Variants in SLC25A40 observed in about 807,000 individuals in gnomAD.
The protein encoded by SLC25A40 is mitochondrial glutathione transporter SLC25A40.
A neutral mutation model predicts 46.5 loss-of-function variants in SLC25A40; 41 were observed. The observed-to-expected ratio is 0.88, with a 90% CI of 0.69 to 1.14. The LOEUF (loss-of-function observed/expected upper bound fraction) is 1.14, where lower values mean the gene tolerates loss of function less well. Among genes scored for constraint, SLC25A40 ranks in the 50% most tolerant of loss-of-function variants. The pLI is 0.00. For synonymous variants in SLC25A40, 126 were observed against 127.5 expected, an observed-to-expected ratio of 0.99 and a Z score of 0.08; for missense variants, 386 against 393.6, an observed-to-expected ratio of 0.98 and a Z score of 0.16.
chr7:87,863,058 G>A (rs994113826), intron 1 of SLC25A40, among the ~76,000 whole-genome samples: 1 of 152,076 alleles, frequency 6.6e-6, no homozygotes, highest in African/African-American at 2.4e-5. Flanking sequence ...TAACATCTCT[G>A]CATATTTTTA....
chr7:87,846,838 A>G (rs1287107068), intron 8 of SLC25A40, 111 bp downstream of exon 8: 1 of 846,478 alleles, frequency 1.2e-6, no homozygotes, highest in Non-Finnish European at 1.7e-6. Flanking sequence ...TGTGGTCACT[A>G]TAGAAAATAA....
At chr7:87,857,194 A>G (rs959179196) in intron 3 of SLC25A40, among the ~76,000 whole-genome samples, 2 of 152,214 alleles carry the variant, frequency 1.3e-5, no homozygotes, top group South Asian at 4.1e-4. Context: ...CAAAGTAAAG[A>G]TTATTTGTAA....
At chr7:87,843,730 T>G (rs747194828) in intron 9 of SLC25A40, 24 bp downstream of exon 9, 3 of 1,518,046 alleles carry the variant, frequency 2.0e-6, no homozygotes, top group Non-Finnish European at 2.7e-6. Context: ...TTCTGGAATA[T>G]TAACAACAAA....
chr7:87,853,657 T>C (rs939526780), intron 5 of SLC25A40, among the ~76,000 whole-genome samples: 6 of 152,312 alleles, frequency 3.9e-5, no homozygotes, highest in East Asian at 1.9e-4. Context: ...CAGGTAATTA[T>C]GCTATGTAAA....
intron 10 of SLC25A40, among the ~76,000 whole-genome samples, chr7:87,841,159 G>GTGTGTA (rs1353494290): frequency 5.8e-5 from 8 of 137,722 alleles, no homozygotes; most frequent in African/African-American, 1.7e-4. Flanking sequence ...GTGTGTGTGT[G>GTGTGTA]TATATATATA....
At chr7:87,863,703 C>A (rs760188849) in intron 1 of SLC25A40, among the ~76,000 whole-genome samples, 54 of 151,180 alleles carry the variant, frequency 3.6e-4, no homozygotes, top group Non-Finnish European at 6.9e-4. Flanking sequence ...AACCATTTAT[C>A]TTTTATTTAT....
At chr7:87,870,124 T>G (rs1488145648) in intron 1 of SLC25A40, among the ~76,000 whole-genome samples, 1 of 151,904 alleles carries the variant, frequency 6.6e-6, no homozygotes, top group Admixed American at 6.6e-5. Context: ...TTTAGATCCT[T>G]TGGTCATTTT....
rs955352934 is a variant in SLC25A40 at position 87,849,957 on chromosome 7, A to G, written c.265-9T>C. ...ATTTTAAAAAATGCATCCTAAAGTTATAATAGAAAAAAAGTAATCAAAATA... is the reference window on the plus strand; with the variant it reads ...ATTTTAAAAAATGCATCCTAAAGTTGTAATAGAAAAAAAGTAATCAAAATA... On this transcript the variant is annotated splice_polypyrimidine_tract_variant and intron_variant, in intron 5 of 11. Transcript: ENST00000341119. The G allele has an allele frequency of 1.4e-5, 22 of 1,557,498 alleles. No homozygotes were observed. Among genetic ancestry groups the G allele is most frequent in the Middle Eastern group, 1.7e-4 (1 of 5,800 alleles).
At chr7:87,849,600 G>A (rs1838476662) in intron 6 of SLC25A40, among the ~76,000 whole-genome samples, 1 of 152,228 alleles carries the variant, frequency 6.6e-6, no homozygotes, top group African/African-American at 2.4e-5. Flanking sequence ...GACTTTGGAA[G>A]CCTATTTCTG....
intron 1 of SLC25A40, among the ~76,000 whole-genome samples, chr7:87,873,749 C>T (rs1053078710): frequency 3.3e-5 from 5 of 152,162 alleles, no homozygotes; most frequent in African/African-American, 1.2e-4. Context: ...AACATTTGCC[C>T]ATGGTCACAA....
At chr7:87,859,704 T>A (rs1160698319) in intron 2 of SLC25A40, among the ~76,000 whole-genome samples, 1 of 152,126 alleles carries the variant, frequency 6.6e-6, no homozygotes, top group Non-Finnish European at 1.5e-5. Context: ...AAAAACAGAT[T>A]TACATTTTTA....
chr7:87,839,679 C>A (rs567451502), intron 10 of SLC25A40, among the ~76,000 whole-genome samples: 125 of 151,820 alleles, frequency 8.2e-4, no homozygotes, highest in African/African-American at 3.0e-3. Flanking sequence ...GCCTCTCTTC[C>A]AGTAGATTAT....
intron 1 of SLC25A40, among the ~76,000 whole-genome samples, chr7:87,866,184 C>T (rs1838795596): frequency 1.3e-5 from 2 of 151,892 alleles, no homozygotes; most frequent in South Asian, 4.2e-4. Context: ...TTTTTTCCTC[C>T]AGGTTGAAGA....
At position 87,849,567 on chromosome 7, in the gene SLC25A40, T is replaced by A. The variant is rs140456942; in HGVS notation, c.332+314A>T. ...GCTCACTGATAGAAGGATAAGCACA[T>A]CCTGTGCAATGCCATAAGGGAGGAC... On this transcript the variant is annotated intron_variant, in intron 6 of 11. Coordinates refer to ENST00000341119, the MANE Select transcript of SLC25A40 (RefSeq NM_018843.4). Among the ~76,000 whole-genome samples, 1,087 of 152,330 alleles carry A rather than the reference T, an allele frequency of 7.1e-3. 33 individuals are homozygous for A. The highest frequency in any genetic ancestry group is 0.061 in the Admixed American group (928 of 15,304).
Position 87,847,021 on chromosome 7 carries a change from C to T in SLC25A40, c.559G>A (p.Val187Ile), listed in dbSNP as rs752009709. ...AGGGAAATCCAACCATCTTCAGATACTTTCTTGCTGACAAATCGATGCAGT... is the reference window on the plus strand; with the variant it reads ...AGGGAAATCCAACCATCTTCAGATATTTTCTTGCTGACAAATCGATGCAGT... ...VELHRFVSKKVSEDGWISLWR... is the reference protein window; with the variant it reads ...VELHRFVSKKISEDGWISLWR... The change falls in exon 8 of 12, where the codon GTA becomes ATA. Residue 187 changes from valine (V) to isoleucine (I), a missense_variant. Val to Ile is a conservative substitution (Grantham distance 29). Transcript: ENST00000341119. 11 of 1,613,824 alleles carry T rather than the reference C, an allele frequency of 6.8e-6. No individual in the cohort carries two copies. Among genetic ancestry groups the T allele is most frequent in the Non-Finnish European group, 9.3e-6 (11 of 1,179,834 alleles).
In SLC25A40 at chr7:87,836,175, G is replaced by C; in HGVS notation, c.*74C>G. ...CATAAAATCATTGTGAGAGAATAAT[G>C]GTGAAAAACATTCTTGCCTAAGAGT... On this transcript the variant is annotated 3_prime_UTR_variant, in exon 12 of 12. Transcript: ENST00000341119. 1.2e-6 allele frequency: 1 copy of C among 826,872 alleles called. No individual in the cohort carries two copies. Among genetic ancestry groups the C allele is most frequent in the Non-Finnish European group, 1.9e-6 (1 of 517,660 alleles). The allele number at this position is 826,872 out of a possible 1,614,324, so 51.2% of individuals were successfully genotyped here.
In SLC25A40 at chr7:87,876,354, G is replaced by A. The variant is rs1269427222; in HGVS notation, c.-352C>T. The stretch of plus-strand genomic sequence containing the variant: ...CCTGCAGGGCCAGAGCGAGGCGCGA[G>A]AAGGACGGCGGCGTGAGGGGGCGGG... On this transcript the variant is annotated 5_prime_UTR_variant, in exon 1 of 12. Coordinates refer to ENST00000341119, the MANE Select transcript of SLC25A40 (RefSeq NM_018843.4). 5 of 193,264 alleles carry A rather than the reference G, an allele frequency of 2.6e-5. No individual in the cohort carries two copies. The highest frequency in any genetic ancestry group is 9.4e-5 in the African/African-American group (4 of 42,742). The allele number at this position is 193,264 out of a possible 1,614,324, so 12.0% of individuals were successfully genotyped here.
chr7:87,841,147 GTGTGTGTGTGTGTA>G (rs1838326684), intron 10 of SLC25A40, among the ~76,000 whole-genome samples: 1 of 148,270 alleles, frequency 6.7e-6, no homozygotes, highest in Admixed American at 6.8e-5. Context: ...GTGTGTGTGT[GTGTGTGTGTGTGTA>G]TATATATATA....
rs1161096387 is a variant in SLC25A40 at position 87,835,840 on chromosome 7, C to A, written c.*409G>T. The A allele has an allele frequency of 6.5e-6, 1 of 154,272 alleles. No homozygotes were observed. 9.6% of individuals were successfully genotyped at this position (154,272 alleles called of 1,614,324 possible). A position where few individuals can be genotyped will look rare whatever the true frequency, so the allele number is the denominator to read the frequency against. ...TGAAATACGGAAATACTTATGTACA[C>A]GATTTAAATGTGCACAAGACTTGGG... is the stretch of plus-strand genomic sequence containing the variant. On this transcript the variant is annotated 3_prime_UTR_variant, in exon 12 of 12. Coordinates refer to ENST00000341119, the MANE Select transcript of SLC25A40 (RefSeq NM_018843.4).
Sources: gnomAD v4.1 joint callset for allele counts (sites outside exome capture counted in the v4.1 genomes callset) on GRCh38, gnomAD v4.1.1 for gene constraint, MANE v1.5 for transcripts, NCBI Gene and HGNC (gene_info 2026-07-23, HGNC 2026-07-21) for gene names.